The following DPH6 variants were observed in gnomAD, a reference collection of about 807,000 sequenced individuals.
DPH6 encodes the protein diphthine--ammonia ligase.
A neutral mutation model predicts 38.2 loss-of-function variants in DPH6; 33 were observed. The ratio of observed to expected loss-of-function variants is 0.86; its 90% CI spans 0.65 to 1.15. The LOEUF (loss-of-function observed/expected upper bound fraction) is 1.15. DPH6 is among the 50% of genes most tolerant of loss of function. The pLI is 0.00. For synonymous variants in DPH6, 108 were observed against 103.0 expected, an observed-to-expected ratio of 1.05 and a Z score of -0.30; for missense variants, 325 against 320.0, an observed-to-expected ratio of 1.02 and a Z score of -0.12.
intron 3 of DPH6, chr15:35,489,559 T>C (rs930304537): frequency 3.7e-5 from 36 of 983,080 alleles, no homozygotes; most frequent in Admixed American, 6.2e-5. Context: ...ATCTTTCTCA[T>C]GTTTAAATTT....
the DPH6 span, among the ~76,000 whole-genome samples, chr15:35,175,394 T>C: frequency 6.6e-6 from 1 of 152,220 alleles, no homozygotes; most frequent in Non-Finnish European, 1.5e-5. Context: ...GCAACAGCTC[T>C]TCTCTGTGAC....
the DPH6 span, among the ~76,000 whole-genome samples, chr15:35,207,221 GT>G: frequency 6.6e-6 from 1 of 151,164 alleles, no homozygotes; most frequent in South Asian, 2.1e-4. Flanking sequence ...TAATTTTTTG[GT>G]TTTTTTGTAG....
intron 3 of DPH6, among the ~76,000 whole-genome samples, chr15:35,509,480 C>A (rs1481611335): frequency 6.6e-6 from 1 of 152,182 alleles, no homozygotes; most frequent in East Asian, 1.9e-4. Context: ...CTTGCATTTA[C>A]TTTTACATTA....
chr15:35,173,505 A>G, the DPH6 span, among the ~76,000 whole-genome samples: 1 of 149,918 alleles, frequency 6.7e-6, no homozygotes, highest in African/African-American at 2.5e-5. Flanking sequence ...TCTTCAATCC[A>G]TCTGCCACAC....
At chr15:35,534,805 A>G (rs985723533) in intron 3 of DPH6, among the ~76,000 whole-genome samples, 2 of 152,200 alleles carry the variant, frequency 1.3e-5, no homozygotes, top group African/African-American at 4.8e-5. Context: ...TGGCTTTGCA[A>G]TATTTTGTGT....
chr15:35,338,793 C>G (rs539685266), intron 3 of DPH6, among the ~76,000 whole-genome samples: 4 of 152,158 alleles, frequency 2.6e-5, no homozygotes, highest in African/African-American at 9.7e-5. Context: ...AAATGTCTGA[C>G]AATGATAGAC....
chr15:35,497,510 T>C (rs1434424400), intron 3 of DPH6, among the ~76,000 whole-genome samples: 1 of 152,174 alleles, frequency 6.6e-6, no homozygotes, highest in Non-Finnish European at 1.5e-5. Context: ...CCATAAGTTT[T>C]TAAAAATAGC....
chr15:35,349,910 T>G (rs2052495296), intron 3 of DPH6, among the ~76,000 whole-genome samples: 1 of 152,230 alleles, frequency 6.6e-6, no homozygotes, highest in Non-Finnish European at 1.5e-5. Context: ...GATATTGGTT[T>G]GTAGTTTTCG....
chr15:35,381,699 T>G (rs1024418954), intron 7 of DPH6, 123 bp downstream of exon 7: 32 of 726,362 alleles, frequency 4.4e-5, no homozygotes, highest in Middle Eastern at 3.3e-4. Flanking sequence ...ACAAATTGAG[T>G]GTTTGTGAAC....
intron 3 of DPH6, among the ~76,000 whole-genome samples, chr15:35,240,455 T>C (rs1231668608): frequency 4.9e-5 from 7 of 142,348 alleles, no homozygotes; most frequent in Admixed American, 3.1e-4. Context: ...TCTCCCCTCC[T>C]TGCCAGCCCA....
chr15:35,511,933 G>A (rs1202825417), intron 3 of DPH6, among the ~76,000 whole-genome samples: 2 of 151,988 alleles, frequency 1.3e-5, no homozygotes, highest in Non-Finnish European at 2.9e-5. Context: ...ATTTAATCCA[G>A]TAACTAGGTT....
intron 6 of DPH6, among the ~76,000 whole-genome samples, chr15:35,396,822 G>T (rs995195364): frequency 6.6e-5 from 10 of 152,062 alleles, no homozygotes; most frequent in African/African-American, 2.4e-4. Context: ...TCAGTTAAAG[G>T]CATTTTTTTC....
At chr15:35,452,932 A>G (rs1188728464) in intron 4 of DPH6, among the ~76,000 whole-genome samples, 1 of 152,182 alleles carries the variant, frequency 6.6e-6, no homozygotes, top group Non-Finnish European at 1.5e-5. Context: ...ACAACCACGA[A>G]TTTTACGATA....
At chr15:35,195,023 A>G in the DPH6 span, among the ~76,000 whole-genome samples, 1 of 152,262 alleles carries the variant, frequency 6.6e-6, no homozygotes, top group East Asian at 1.9e-4. Flanking sequence ...CATTCTATCT[A>G]AGTGTTTATT....
intron 3 of DPH6, among the ~76,000 whole-genome samples, chr15:35,322,813 A>G (rs943872081): frequency 3.3e-5 from 5 of 152,018 alleles, no homozygotes; most frequent in African/African-American, 7.2e-5. Flanking sequence ...TATTTTCCAA[A>G]CTGTTCTGTA....
At chr15:35,542,826 G>A (rs1162928428) in intron 1 of DPH6, among the ~76,000 whole-genome samples, 1 of 144,442 alleles carries the variant, frequency 6.9e-6, no homozygotes. Context: ...TTACATCCCA[G>A]CTAAACATTT....
At chr15:35,400,959 TAAG>T (rs2053210207) in intron 6 of DPH6, 1 of 1,026,634 alleles carries the variant, frequency 9.7e-7, no homozygotes, top group Non-Finnish European at 1.5e-6. Flanking sequence ...GAGAGCTGTC[TAAG>T]AAGATTCTCA....
chr15:35,471,321 C>T (rs541422362), intron 3 of DPH6, among the ~76,000 whole-genome samples: 1 of 152,204 alleles, frequency 6.6e-6, no homozygotes, highest in Non-Finnish European at 1.5e-5. Flanking sequence ...CTACAGATTC[C>T]CCAAATCCTG....
chr15:35,169,083 G>A, the DPH6 span, among the ~76,000 whole-genome samples: 1 of 152,064 alleles, frequency 6.6e-6, no homozygotes, highest in Admixed American at 6.6e-5. Flanking sequence ...AAATGAGCAG[G>A]CAGTTATTCA....
Sources: gnomAD v4.1 joint callset for allele counts (sites outside exome capture counted in the v4.1 genomes callset) on GRCh38, gnomAD v4.1.1 for gene constraint, MANE v1.5 for transcripts, NCBI Gene and HGNC (gene_info 2026-07-23, HGNC 2026-07-21) for gene names.